Variants in PELI2 observed in about 807,000 individuals in gnomAD.
PELI2 encodes E3 ubiquitin-protein ligase pellino homolog 2.
A neutral mutation model predicts 42.3 loss-of-function variants in PELI2; 23 were observed. The observed-to-expected ratio is 0.54, with a 90% CI of 0.39 to 0.77. PELI2 has a LOEUF of 0.77. Ranked by LOEUF, PELI2 falls within the 30% of genes least tolerant of loss-of-function variation. PELI2 has a pLI of 0.00. For missense variants in PELI2, 463 were observed against 553.2 expected, an observed-to-expected ratio of 0.84 and a Z score of 1.64; for synonymous variants, 245 against 212.2, an observed-to-expected ratio of 1.15 and a Z score of -1.34.
intron 2 of PELI2, among the ~76,000 whole-genome samples, chr14:56,275,230 T>C (rs1889249598): frequency 6.6e-6 from 1 of 152,038 alleles, no homozygotes; most frequent in African/African-American, 2.4e-5. Flanking sequence ...AGCTGCCCAA[T>C]AGAGAAGTGA....
intron 2 of PELI2, among the ~76,000 whole-genome samples, chr14:56,257,806 A>G (rs1684329393): frequency 6.6e-6 from 1 of 152,220 alleles, no homozygotes; most frequent in South Asian, 2.1e-4. Flanking sequence ...AAGGAACCAA[A>G]CAGCCCTATG....
In PELI2 at chr14:56,288,610, C is replaced by G. The variant is rs1012855367; in HGVS notation, c.483C>G (p.Asp161Glu). The change falls in exon 4 of 6, where the codon GAC (aspartate) becomes GAG (glutamate). Residue 161 changes from aspartate (D) to glutamate (E), a missense_variant. Physicochemically the swap from Asp to Glu is conservative, Grantham distance 45. This residue lies in a region of PELI2 where 343 missense variants were observed against 378.4 expected (regional missense o/e 0.91). Coordinates refer to ENST00000267460, the MANE Select transcript of PELI2 (RefSeq NM_021255.3). The surrounding 1 kb of genome is among the most constrained non-coding windows in gnomAD (Gnocchi z 4.6). ...CACGGATATTCGCCGCCGGATTTGA[C>G]TCTTCCAAAAACATATTTCTTGGAG... ...YTARIFAAGF[D>E]SSKNIFLGEK... is the part of the protein sequence containing the mutation. 2 of 1,613,388 alleles carry G rather than the reference C, an allele frequency of 1.2e-6. No individual in the cohort carries two copies. Among genetic ancestry groups the G allele is most frequent in the East Asian group, 2.2e-5 (1 of 44,814 alleles).
At chr14:56,178,535 T>G in intron 2 of PELI2, 71 bp downstream of exon 2, 1 of 1,532,946 alleles carries the variant, frequency 6.5e-7, no homozygotes, top group Admixed American at 1.7e-5. Context: ...TGTCCGCTGC[T>G]CTCTTTCCTT....
intron 2 of PELI2, among the ~76,000 whole-genome samples, chr14:56,190,383 A>G (rs1275140127): frequency 6.6e-6 from 1 of 152,218 alleles, no homozygotes; most frequent in Admixed American, 6.5e-5. Context: ...AGCATTTTTT[A>G]TTTTAAGAAG....
chr14:56,201,955 C>G (rs1189462660), intron 2 of PELI2, among the ~76,000 whole-genome samples: 1 of 152,206 alleles, frequency 6.6e-6, no homozygotes, highest in East Asian at 1.9e-4. Context: ...TATTCTAGCA[C>G]TTAACATGTG....
chr14:56,124,905 G>C (rs1399828505), intron 1 of PELI2, among the ~76,000 whole-genome samples: 2 of 152,202 alleles, frequency 1.3e-5, no homozygotes, highest in African/African-American at 4.8e-5. Flanking sequence ...ACATTGTGAG[G>C]GATGATGATG....
chr14:56,265,962 A>G (rs975332627), intron 2 of PELI2, among the ~76,000 whole-genome samples: 1 of 152,070 alleles, frequency 6.6e-6, no homozygotes, highest in Non-Finnish European at 1.5e-5. Flanking sequence ...GCAGGATTGG[A>G]TCTAACCCAA....
chr14:56,257,202 G>C (rs1420538789), intron 2 of PELI2, among the ~76,000 whole-genome samples: 1 of 152,130 alleles, frequency 6.6e-6, no homozygotes, highest in East Asian at 1.9e-4. Context: ...GTATGTATGT[G>C]CTAGGAAATG....
chr14:56,140,186 A>G (rs1238317110), intron 1 of PELI2, among the ~76,000 whole-genome samples: 1 of 152,090 alleles, frequency 6.6e-6, no homozygotes, highest in Non-Finnish European at 1.5e-5. Context: ...AAGGTTTATA[A>G]TTTTACAGAA....
chr14:56,146,548 G>A (rs1255479840), intron 1 of PELI2, among the ~76,000 whole-genome samples: 1 of 152,084 alleles, frequency 6.6e-6, no homozygotes, highest in Non-Finnish European at 1.5e-5. Context: ...GAAACTTGAA[G>A]GATGAGAAGG....
chr14:56,176,573 G>A (rs1286756208), intron 1 of PELI2, among the ~76,000 whole-genome samples: 1 of 152,198 alleles, frequency 6.6e-6, no homozygotes, highest in Non-Finnish European at 1.5e-5. Flanking sequence ...ATCCTGGAGA[G>A]CCTGCGTTCC....
At chr14:56,124,033 A>T (rs1481062533) in intron 1 of PELI2, among the ~76,000 whole-genome samples, 1 of 152,252 alleles carries the variant, frequency 6.6e-6, no homozygotes, top group East Asian at 1.9e-4. Context: ...TGATTTAATT[A>T]AACGTTTCTC....
intron 1 of PELI2, among the ~76,000 whole-genome samples, chr14:56,171,447 CT>C (rs113589353): frequency 6.6e-6 from 1 of 152,326 alleles, no homozygotes; most frequent in African/African-American, 2.4e-5. Context: ...AAAGAAATCT[CT>C]GTTCTTTATA....
chr14:56,159,177 CAG>C (rs1307014292), intron 1 of PELI2, among the ~76,000 whole-genome samples: 1 of 152,222 alleles, frequency 6.6e-6, no homozygotes, highest in Non-Finnish European at 1.5e-5. Context: ...TCCCGAAACT[CAG>C]TGACTTAAAA....
chr14:56,162,977 A>G (rs1031650118), intron 1 of PELI2, among the ~76,000 whole-genome samples: 1 of 151,894 alleles, frequency 6.6e-6, no homozygotes, highest in Non-Finnish European at 1.5e-5. Flanking sequence ...AGCTCCTTAT[A>G]TATTCTGGTT....
chr14:56,256,540 T>C (rs141433889), intron 2 of PELI2, among the ~76,000 whole-genome samples: 378 of 152,214 alleles, frequency 2.5e-3, no homozygotes, highest in African/African-American at 8.8e-3. Flanking sequence ...AAAGCATATA[T>C]CCGGAAAATA....
At chr14:56,265,387 T>C (rs111255919) in intron 2 of PELI2, among the ~76,000 whole-genome samples, 10 of 152,264 alleles carry the variant, frequency 6.6e-5, no homozygotes, top group Non-Finnish European at 1.5e-4. Flanking sequence ...AAGGATAGTC[T>C]TTTAAACAGA....
chr14:56,195,472 C>T (rs772322197), intron 2 of PELI2, among the ~76,000 whole-genome samples: 2 of 152,204 alleles, frequency 1.3e-5, no homozygotes, highest in Non-Finnish European at 2.9e-5. Flanking sequence ...CAGCTTTCCA[C>T]TGCATCTGTC....
At chr14:56,144,786 T>G (rs1230738441) in intron 1 of PELI2, among the ~76,000 whole-genome samples, 1 of 152,232 alleles carries the variant, frequency 6.6e-6, no homozygotes, top group Non-Finnish European at 1.5e-5. Flanking sequence ...GCATTTTATT[T>G]ATGATCTTGT....
Sources: allele counts gnomAD v4.1 joint callset (sites outside exome capture counted in the v4.1 genomes callset), GRCh38; gene constraint gnomAD v4.1.1; regional missense constraint gnomAD v4.1.1; non-coding constraint Gnocchi (gnomAD v3.1); transcripts MANE v1.5; gene names NCBI Gene and HGNC (gene_info 2026-07-23, HGNC 2026-07-21).